The following RET variants were observed in gnomAD, a reference collection of about 807,000 sequenced individuals.
RET encodes ret proto-oncogene.
RET carries 19 observed loss-of-function variants against 118.3 expected under a neutral mutation model. The observed-to-expected ratio is 0.16, with a 90% CI of 0.11 to 0.24. RET has a LOEUF of 0.24. Ranked by LOEUF, RET falls within the 10% of genes least tolerant of loss-of-function variation. The probability of loss-of-function intolerance (pLI) is 1.00; values close to 1 mark genes in which losing one functional copy is unlikely to be tolerated. For missense variants in RET, 1,219 were observed against 1,502.1 expected (o/e 0.81, Z 3.12); for synonymous variants, 597 against 644.1 (o/e 0.93, Z 1.11).
At chr10:43,085,486 T>C (rs1564483910) in intron 1 of RET, among the ~76,000 whole-genome samples, 2 of 152,232 alleles carry the variant, frequency 1.3e-5, no homozygotes, top group East Asian at 3.8e-4. Flanking sequence ...AGGGGCCACC[T>C]AGGCCAGAGC....
chr10:43,120,007 G>T (rs1044554212), intron 14 of RET, 74 bp from the exon 15 acceptor site: 1 of 1,597,154 alleles, frequency 6.3e-7, no homozygotes, highest in East Asian at 2.3e-5. Flanking sequence ...CCCCTCTGCT[G>T]GTCACACCAG....
intron 3 of RET, chr10:43,102,973 C>T (rs1011830158): frequency 1.6e-5 from 6 of 380,650 alleles, no homozygotes; most frequent in African/African-American, 8.4e-5. Context: ...GGGGAACAGA[C>T]GAGGAGACCT....
At chr10:43,127,141 A>G in intron 19 of RET, 13 of 1,118,468 alleles carry the variant, frequency 1.2e-5, no homozygotes, top group Non-Finnish European at 1.4e-5. Flanking sequence ...CTCAGCCTGC[A>G]CTGGGAGCAC....
Position 43,129,410 on chromosome 10 carries a change from C to T in RET, c.*1141C>T. On this transcript the variant is annotated 3_prime_UTR_variant, in exon 20 of 20. Coordinates refer to ENST00000355710, the MANE Select transcript of RET (RefSeq NM_020975.6). ...TGTGTGAAAGGCCCATGGATCAGCT[C>T]TTCCTGTGTTTGTAATTTAATGCTG... 4.3e-6 allele frequency: 1 copy of T among 233,778 alleles called. No homozygotes were observed. Among genetic ancestry groups the T allele is most frequent in the East Asian group, 6.0e-5 (1 of 16,592 alleles). 14.5% of individuals were successfully genotyped at this position (233,778 alleles called of 1,614,324 possible).
chr10:43,123,255 A>G (rs1838257748), intron 16 of RET, among the ~76,000 whole-genome samples: 1 of 152,206 alleles, frequency 6.6e-6, no homozygotes. Flanking sequence ...TAGAAATGGC[A>G]AAAGAACTAT....
intron 3 of RET, among the ~76,000 whole-genome samples, chr10:43,104,011 T>C (rs1269585366): frequency 6.6e-6 from 1 of 152,222 alleles, no homozygotes; most frequent in Non-Finnish European, 1.5e-5. Context: ...TTGTGGTTCC[T>C]GGCCCTGCTT....
At chr10:43,087,951 TTGGTGA>T (rs1270607789) in intron 1 of RET, among the ~76,000 whole-genome samples, 1 of 151,924 alleles carries the variant, frequency 6.6e-6, no homozygotes, top group African/African-American at 2.4e-5. Flanking sequence ...AGTGGTGGTA[TTGGTGA>T]TGGTGATAGT....
rs377767411 is a variant in RET, at chr10:43,114,521, G to T, written c.1921G>T (p.Ala641Ser). 2.5e-6 allele frequency: 4 copies of T among 1,609,224 alleles called. No individual in the cohort carries two copies. Among genetic ancestry groups the T allele is most frequent in the Non-Finnish European group, 3.4e-6 (4 of 1,179,942 alleles). ...GCTGTGCCGCACGGTGATCGCAGCC[G>T]CTGTCCTCTTCTCCTTCATCGTCTC... ...DELCRTVIAAAVLFSFIVSVL... is the reference protein window; with the variant it reads ...DELCRTVIAASVLFSFIVSVL... The change falls in exon 11 of 20, where the codon GCT (alanine) becomes TCT (serine). Residue 641 changes from alanine to serine, a missense_variant. Transcript: ENST00000355710. This position sits in a 1 kb window ranked among gnomAD's most constrained non-coding sequence, Gnocchi z 4.6.
At chr10:43,125,097 T>A (rs1256562638) in intron 18 of RET, 115 bp downstream of exon 18, 3 of 959,488 alleles carry the variant, frequency 3.1e-6, no homozygotes, top group East Asian at 5.2e-5. Flanking sequence ...ACAGTGGGAT[T>A]GTGCAGAGAG....
chr10:43,118,304 G>C (rs1838119820), intron 12 of RET, 69 bp from the exon 13 acceptor site: 2 of 1,251,906 alleles, frequency 1.6e-6, no homozygotes. Context: ...GGTCCATCCT[G>C]ACCTGGTATG....
chr10:43,091,196 G>A (rs1343004318), intron 1 of RET, among the ~76,000 whole-genome samples: 1 of 152,142 alleles, frequency 6.6e-6, no homozygotes, highest in Non-Finnish European at 1.5e-5. Flanking sequence ...TGTGAACCAA[G>A]GCCACAATCA....
Position 43,128,818 on chromosome 10 carries a change from C to T in RET, c.*549C>T, listed in dbSNP as rs1483751882. On this transcript the variant is annotated 3_prime_UTR_variant, in exon 20 of 20. Coordinates refer to ENST00000355710, the MANE Select transcript of RET (RefSeq NM_020975.6). ...CCAGGGCTGGAGGGGAAGAGGGGCC[C>T]CGAGGATGGGCCTGGGCTCAGCATT... 1 of 250,046 alleles carries T rather than the reference C, an allele frequency of 4.0e-6. No homozygotes were observed. The highest frequency in any genetic ancestry group is 7.8e-6 in the Non-Finnish European group (1 of 127,990). The allele number at this position is 250,046 out of a possible 1,614,324, so 15.5% of individuals were successfully genotyped here.
chr10:43,127,683 C>T lies in RET; in HGVS notation c.3188-429C>T, dbSNP rs143237416. ...TATGAGGCTGGCCCGTGTGCACCCTCGATTTGGAAGGTCCTCTTCTCCGTT... is the reference window on the plus strand; with the variant it reads ...TATGAGGCTGGCCCGTGTGCACCCTTGATTTGGAAGGTCCTCTTCTCCGTT... On this transcript the variant is annotated intron_variant, in intron 19 of 19. Transcript: ENST00000355710. Among the ~76,000 whole-genome samples, 353 of 151,748 alleles carry T rather than the reference C, an allele frequency of 2.3e-3. 1 individual carries two copies. The highest frequency in any genetic ancestry group is 8.0e-3 in the African/African-American group (330 of 41,444).
chr10:43,099,420 A>C (rs1837586212), intron 1 of RET, among the ~76,000 whole-genome samples: 1 of 152,104 alleles, frequency 6.6e-6, no homozygotes, highest in African/African-American at 2.4e-5. Flanking sequence ...CTGAGGCAGG[A>C]GAATCGCTTG....
chr10:43,110,066 C>T (rs560577260), intron 6 of RET, among the ~76,000 whole-genome samples: 3 of 152,298 alleles, frequency 2.0e-5, no homozygotes, highest in Admixed American at 6.5e-5. Context: ...CGAGGGAGCC[C>T]ACCCTTGGAC....
chr10:43,122,059 C>T (rs1838230571), intron 16 of RET, 43 bp downstream of exon 16: 1 of 1,487,766 alleles, frequency 6.7e-7, no homozygotes, highest in Non-Finnish European at 9.4e-7. Context: ...GTTACAGAAA[C>T]ACCCTTATAC....
At chr10:43,117,127 C>T (rs1838091178) in intron 12 of RET, among the ~76,000 whole-genome samples, 1 of 152,258 alleles carries the variant, frequency 6.6e-6, no homozygotes, top group East Asian at 1.9e-4. Context: ...GCCTGTCTGG[C>T]CTGCATGCCC....
intron 1 of RET, among the ~76,000 whole-genome samples, chr10:43,089,804 G>A (rs569227546): frequency 6.6e-6 from 1 of 152,388 alleles, no homozygotes; most frequent in Non-Finnish European, 1.5e-5. Flanking sequence ...CCTGCCAAGA[G>A]CAGGTTGAGT....
intron 4 of RET, among the ~76,000 whole-genome samples, chr10:43,105,797 T>C (rs1427581410): frequency 1.3e-5 from 2 of 151,822 alleles, no homozygotes; most frequent in Non-Finnish European, 1.5e-5. Flanking sequence ...GGAAAGGGGG[T>C]CTGGTCGAAA....
Sources: allele counts gnomAD v4.1 joint callset (sites outside exome capture counted in the v4.1 genomes callset), GRCh38; gene constraint gnomAD v4.1.1; non-coding constraint Gnocchi (gnomAD v3.1); transcripts MANE v1.5; gene names NCBI Gene and HGNC (gene_info 2026-07-23, HGNC 2026-07-21).